Variants in DLGAP1 observed in about 807,000 individuals in gnomAD.
The protein encoded by DLGAP1 is DLG associated protein 1.
A neutral mutation model predicts 90.8 loss-of-function variants in DLGAP1; 11 were observed. The observed-to-expected ratio is 0.12, with a 90% CI of 0.08 to 0.20. The LOEUF is 0.20. Ranked by LOEUF, DLGAP1 falls within the 10% of genes least tolerant of loss-of-function variation. The pLI is 1.00. For missense variants in DLGAP1, 1,050 were observed against 1,333.8 expected (o/e 0.79, Z 3.31); for synonymous variants, 558 against 540.7 (o/e 1.03, Z -0.44).
intron 7 of DLGAP1, among the ~76,000 whole-genome samples, chr18:3,593,166 C>G (rs2056378782): frequency 6.6e-6 from 1 of 152,128 alleles, no homozygotes; most frequent in Non-Finnish European, 1.5e-5. Context: ...ACCTTGTCCA[C>G]TAAAGCACCG....
At chr18:4,258,477 C>T (rs1158597674) in intron 1 of DLGAP1, among the ~76,000 whole-genome samples, 1 of 151,890 alleles carries the variant, frequency 6.6e-6, no homozygotes, top group Non-Finnish European at 1.5e-5. Context: ...TCCCTTACAG[C>T]CAGTAAGACT....
intron 1 of DLGAP1, among the ~76,000 whole-genome samples, chr18:4,340,172 T>C (rs987455379): frequency 6.6e-6 from 1 of 152,188 alleles, no homozygotes; most frequent in Admixed American, 6.5e-5. Flanking sequence ...AGTTGAATAT[T>C]ATTAATGACA....
chr18:4,398,917 C>T (rs373982303), intron 1 of DLGAP1, among the ~76,000 whole-genome samples: 1 of 152,142 alleles, frequency 6.6e-6, no homozygotes, highest in Non-Finnish European at 1.5e-5. Flanking sequence ...CTGCAACCTC[C>T]GCCTCCGGGG....
chr18:4,250,444 A>G (rs1209836799), intron 1 of DLGAP1, among the ~76,000 whole-genome samples: 1 of 152,212 alleles, frequency 6.6e-6, no homozygotes, highest in Non-Finnish European at 1.5e-5. Flanking sequence ...GAAAGTCCTG[A>G]TGCCAACAAT....
rs367637256 is a variant in DLGAP1 at position 4,148,673 on chromosome 18, G to A, written c.-159+2507C>T. 3.3e-5 allele frequency among the ~76,000 whole-genome samples: 5 copies of A among 152,214 alleles called. No individual in the cohort carries two copies. In the East Asian group the frequency reaches 9.7e-4, roughly 29 times the overall value. On this transcript the variant is annotated intron_variant, in intron 2 of 12. Transcript: ENST00000315677. Reference sequence around the variant, plus strand: ...GCCTAGCATCTGCTACGACTTTCCTGGTTTCCCTGCACTACCATTCTCTGC... The same window carrying A: ...GCCTAGCATCTGCTACGACTTTCCTAGTTTCCCTGCACTACCATTCTCTGC...
intron 4 of DLGAP1, among the ~76,000 whole-genome samples, chr18:3,861,877 T>C (rs2070085216): frequency 6.6e-6 from 1 of 152,240 alleles, no homozygotes; most frequent in Non-Finnish European, 1.5e-5. Context: ...TCTGATTTGT[T>C]GGGCTGAAGT....
At chr18:3,770,113 G>A (rs1187438404) in intron 5 of DLGAP1, 3 of 152,118 alleles carry the variant, frequency 2.0e-5, no homozygotes, top group Non-Finnish European at 4.4e-5. Flanking sequence ...TTAAACGTCT[G>A]CCATGATGAA....
intron 7 of DLGAP1, among the ~76,000 whole-genome samples, chr18:3,673,148 T>A (rs1050694857): frequency 3.9e-5 from 6 of 152,198 alleles, no homozygotes; most frequent in Non-Finnish European, 8.8e-5. Context: ...ACATGCCTTG[T>A]ACTTACTTGC....
intron 2 of DLGAP1, among the ~76,000 whole-genome samples, chr18:4,123,140 G>A (rs956236890): frequency 6.6e-6 from 1 of 152,108 alleles, no homozygotes; most frequent in African/African-American, 2.4e-5. Context: ...TCTCCCTCAT[G>A]GGCATCAACG....
At position 4,084,065 on chromosome 18, in the gene DLGAP1, A is replaced by G. The variant is rs1272732798; in HGVS notation, c.-159+67115T>C. Among the ~76,000 whole-genome samples the G allele has an allele frequency of 2.6e-5, 4 of 152,072 alleles. No homozygotes were observed. The highest frequency in any genetic ancestry group is 5.9e-5 in the Non-Finnish European group (4 of 68,004). ...TGGATGGGAGCCAGAAGCGGGATGG[A>G]GTGGGAACAATCTCCCAAAACCCTT... is the stretch of plus-strand genomic sequence containing the variant. On this transcript the variant is annotated intron_variant, in intron 2 of 12. Transcript: ENST00000315677. This position sits in a 1 kb window ranked among gnomAD's most constrained non-coding sequence, Gnocchi z 4.0.
intron 5 of DLGAP1, among the ~76,000 whole-genome samples, chr18:3,753,067 A>G (rs1156386357): frequency 6.6e-6 from 1 of 152,212 alleles, no homozygotes; most frequent in Non-Finnish European, 1.5e-5. Context: ...GAAACTTTAC[A>G]TAAGGGGGTG....
At chr18:4,107,478 G>C (rs1455720231) in intron 2 of DLGAP1, among the ~76,000 whole-genome samples, 3 of 152,252 alleles carry the variant, frequency 2.0e-5, no homozygotes, top group African/African-American at 7.2e-5. Context: ...ACCCAGAATG[G>C]ATTACAATGC....
At chr18:3,639,330 T>C (rs1273661056) in intron 7 of DLGAP1, among the ~76,000 whole-genome samples, 3 of 144,128 alleles carry the variant, frequency 2.1e-5, no homozygotes, top group South Asian at 2.1e-4. Context: ...CACTCCAGCC[T>C]GGGCAACAGC....
At chr18:3,626,565 C>A (rs1327152520) in intron 7 of DLGAP1, among the ~76,000 whole-genome samples, 2 of 146,336 alleles carry the variant, frequency 1.4e-5, no homozygotes, top group Non-Finnish European at 3.0e-5. Context: ...CTGCACTCCA[C>A]CCTGCTGGGT....
chr18:4,042,860 A>G (rs1335344149), intron 2 of DLGAP1, among the ~76,000 whole-genome samples: 2 of 152,232 alleles, frequency 1.3e-5, no homozygotes, highest in Non-Finnish European at 2.9e-5. Context: ...AGTTTCCCCA[A>G]AAGATCATCA....
In DLGAP1 at chr18:3,496,120, T is replaced by C. The variant is rs2049689789; in HGVS notation, c.*3065A>G. On this transcript the variant is annotated 3_prime_UTR_variant, in exon 13 of 13. Transcript: ENST00000315677. ...ACAATATTTTTTTGTTCACACACAA[T>C]CTAGGTAAATAAGCCTATGAAATTC... The C allele has an allele frequency of 6.6e-6, 1 of 152,210 alleles. No homozygotes were observed. The highest frequency in any genetic ancestry group is 6.5e-5 in the Admixed American group (1 of 15,282). The allele number at this position is 152,210 out of a possible 1,614,324, so 9.4% of individuals were successfully genotyped here. A position where few individuals can be genotyped will look rare whatever the true frequency, so the allele number is the denominator to read the frequency against.
chr18:3,689,587 G>T (rs957209755), intron 7 of DLGAP1, among the ~76,000 whole-genome samples: 3 of 152,104 alleles, frequency 2.0e-5, no homozygotes, highest in African/African-American at 7.2e-5. Context: ...TATGTGTGGA[G>T]AATTGCTACC....
intron 3 of DLGAP1, among the ~76,000 whole-genome samples, chr18:3,979,456 T>C (rs555379312): frequency 0.041 from 14 of 338 alleles, 1 homozygote; most frequent in South Asian, 0.25. Context: ...TGTACTCCCA[T>C]GATTGACACA....
At chr18:4,422,433 G>T (rs2144689350) in intron 1 of DLGAP1, among the ~76,000 whole-genome samples, 1 of 150,520 alleles carries the variant, frequency 6.6e-6, no homozygotes, top group Non-Finnish European at 1.5e-5. Flanking sequence ...TACTGGAATT[G>T]TATCCAACTC....
Sources: gnomAD v4.1 joint callset for allele counts (sites outside exome capture counted in the v4.1 genomes callset) on GRCh38, gnomAD v4.1.1 for gene constraint, Gnocchi (gnomAD v3.1) non-coding constraint, MANE v1.5 for transcripts, NCBI Gene and HGNC (gene_info 2026-07-23, HGNC 2026-07-21) for gene names.